The following SNX25 variants were observed in gnomAD, a reference collection of about 807,000 sequenced individuals.
The protein encoded by SNX25 is sorting nexin 25, also known as sorting nexin-25.
Under a neutral mutation model 113.7 loss-of-function variants are expected in SNX25, and 62 were observed. That is an observed-to-expected ratio of 0.55 (90% CI 0.44 to 0.67). SNX25 has a LOEUF of 0.67. Among genes scored for constraint, SNX25 ranks in the 30% least tolerant of loss-of-function variants. SNX25 has a pLI of 0.00. For missense variants in SNX25, 1,014 were observed against 1,161.0 expected (o/e 0.87, Z 1.84); for synonymous variants, 421 against 436.2 (o/e 0.97, Z 0.43).
At chr4:185,347,091 T>C (rs868790054) in intron 13 of SNX25, among the ~76,000 whole-genome samples, 3 of 152,260 alleles carry the variant, frequency 2.0e-5, no homozygotes, top group African/African-American at 7.2e-5. Flanking sequence ...TCCTGTCATC[T>C]TAGTTGTAGA....
chr4:185,207,718 T>G (rs554734107), upstream of SNX25: 1 of 152,186 alleles, frequency 6.6e-6, no homozygotes, highest in Admixed American at 6.5e-5. Flanking sequence ...TTTGCAATGT[T>G]GAGCATGTCA....
At chr4:185,326,152 C>T (rs1041179483) in intron 9 of SNX25, among the ~76,000 whole-genome samples, 1 of 152,114 alleles carries the variant, frequency 6.6e-6, no homozygotes, top group Admixed American at 6.5e-5. Flanking sequence ...TGAAAACTGT[C>T]AGTAGCCCAA....
chr4:185,238,313 C>G (rs1197729084), intron 1 of SNX25, among the ~76,000 whole-genome samples: 2 of 152,048 alleles, frequency 1.3e-5, no homozygotes, highest in African/African-American at 2.4e-5. Flanking sequence ...TGTTCTTTCT[C>G]TTAACACGGC....
At chr4:185,345,366 T>G (rs2095280482) in intron 12 of SNX25, among the ~76,000 whole-genome samples, 1 of 152,218 alleles carries the variant, frequency 6.6e-6, no homozygotes, top group African/African-American at 2.4e-5. Context: ...AGAGCTGTTG[T>G]AAGCATGAAA....
chr4:185,361,987 T>C lies in SNX25; in HGVS notation c.2715T>C (p.Ile905=). 1 of 1,614,110 alleles carries C rather than the reference T, an allele frequency of 6.2e-7. No individual in the cohort carries two copies. The highest frequency in any genetic ancestry group is 8.5e-7 in the Non-Finnish European group (1 of 1,180,006). Residue 905 remains isoleucine, a synonymous_variant, in exon 17 of 19, where the codon ATT becomes ATC. Transcript: ENST00000652585. The stretch of plus-strand genomic sequence containing the variant: ...AAATGTTGGTTTACTACATCAATAT[T>C]TTCCGGGATGCTTTTTGGCCAAATG... ...SEQMLVYYIN[I]FRDAFWPNGK...
At chr4:185,317,859 G>A (rs28398243) in intron 7 of SNX25, among the ~76,000 whole-genome samples, 22,729 of 151,908 alleles carry the variant, frequency 0.15, 2,349 homozygotes, top group African/African-American at 0.3. Context: ...CCTAGATGAC[G>A]GGTAGATAAG....
At chr4:185,257,713 T>A (rs114042640) in intron 2 of SNX25, among the ~76,000 whole-genome samples, 1 of 152,152 alleles carries the variant, frequency 6.6e-6, no homozygotes, top group African/African-American at 2.4e-5. Flanking sequence ...TAATGTGTCT[T>A]CTAGAAAACT....
At position 185,266,399 on chromosome 4, in the gene SNX25, C is replaced by T. The variant is rs551995407; in HGVS notation, c.905-570C>T. On this transcript the variant is annotated intron_variant, in intron 4 of 18. Coordinates refer to ENST00000652585, the MANE Select transcript of SNX25 (RefSeq NM_001378034.2). ...TTTTTGAGATGGAGTCTCACTCTGT[C>T]GCCAAGGCTGGAGTGCAGTGGCGAG... 9.9e-5 allele frequency among the ~76,000 whole-genome samples: 15 copies of T among 152,252 alleles called. No individual in the cohort carries two copies. The East Asian group carries it at 2.1e-3, about 22-fold the overall frequency.
rs138042086 is a variant in SNX25 at position 185,238,275 on chromosome 4, A to G, written c.430-9019A>G. Among the ~76,000 whole-genome samples, 432 of 152,004 alleles carry G rather than the reference A, an allele frequency of 2.8e-3. 15 individuals carry two copies. In the South Asian group the frequency reaches 0.057, roughly 20 times the overall value. ...AGGACCTACCATTAGTAAATGGCAG[A>G]GTGGAGCCCGCCTGCCATGGGAGCC... On this transcript the variant is annotated intron_variant, in intron 1 of 18. Transcript: ENST00000652585.
intron 1 of SNX25, among the ~76,000 whole-genome samples, chr4:185,225,264 G>A (rs1459253181): frequency 1.3e-5 from 2 of 151,844 alleles, no homozygotes; most frequent in African/African-American, 4.8e-5. Context: ...AACTATAGGC[G>A]CCCACTACTC....
At chr4:185,362,219 A>AG in intron 17 of SNX25, 114 bp downstream of exon 17, 1 of 1,413,020 alleles carries the variant, frequency 7.1e-7, no homozygotes, top group South Asian at 1.7e-5. Context: ...GAAAAAAAAA[A>AG]GGATCATACT....
At chr4:185,346,939 C>A (rs2095290046) in intron 13 of SNX25, among the ~76,000 whole-genome samples, 2 of 152,174 alleles carry the variant, frequency 1.3e-5, no homozygotes, top group African/African-American at 2.4e-5. Context: ...CGCTGCAGCC[C>A]CTCTAAAGGC....
At chr4:185,250,519 C>A (rs1745482399) in intron 2 of SNX25, among the ~76,000 whole-genome samples, 1 of 152,178 alleles carries the variant, frequency 6.6e-6, no homozygotes, top group Non-Finnish European at 1.5e-5. Flanking sequence ...AAATAAAAAA[C>A]ACACAAAAGA....
chr4:185,214,397 A>G (rs1026128059), intron 1 of SNX25, among the ~76,000 whole-genome samples: 3 of 43,662 alleles, frequency 6.9e-5, no homozygotes, highest in Non-Finnish European at 2.1e-4. Flanking sequence ...TCTCTACCAA[A>G]AAAAAAAAAA....
rs1747791484 is a variant in SNX25 at position 185,264,606 on chromosome 4, A to C, written c.900A>C (p.Thr300=). 1 of 1,613,782 alleles carries C rather than the reference A, an allele frequency of 6.2e-7. No individual in the cohort carries two copies. The highest frequency in any genetic ancestry group is 1.1e-5 in the South Asian group (1 of 91,076). ...LRIMLAEILT[T]KVLKPVVELL... is the part of the protein sequence containing the mutation. ...TAATGCTTGCAGAAATTCTCACAAC[A>C]AAAGGTAGACTTATACAGTTGATTT... Residue 300 remains threonine, a synonymous_variant, in exon 4 of 19, where the codon ACA becomes ACC. Coordinates refer to ENST00000652585, the MANE Select transcript of SNX25 (RefSeq NM_001378034.2).
chr4:185,265,154 A>G (rs550400491), intron 4 of SNX25, among the ~76,000 whole-genome samples: 3 of 152,078 alleles, frequency 2.0e-5, no homozygotes, highest in African/African-American at 4.8e-5. Context: ...TGATTAGCAT[A>G]TTTACTTAAA....
the SNX25 span, chr4:185,378,275 A>G: frequency 3.8e-6 from 6 of 1,564,184 alleles, no homozygotes; most frequent in South Asian, 3.6e-5. Flanking sequence ...GAGAGACTCT[A>G]TTCCCACCAG....
intron 6 of SNX25, among the ~76,000 whole-genome samples, chr4:185,298,093 C>CTT (rs6148841): frequency 5.1e-5 from 7 of 137,156 alleles, no homozygotes; most frequent in African/African-American, 5.5e-5. Flanking sequence ...ATAGTAACTT[C>CTT]TTTTTTTTTT....
chr4:185,307,413 G>A (rs1202082397), intron 6 of SNX25, among the ~76,000 whole-genome samples: 2 of 152,176 alleles, frequency 1.3e-5, no homozygotes, highest in African/African-American at 4.8e-5. Context: ...CATGCCTAGG[G>A]AGGAGCATTC....
Sources: gnomAD v4.1 joint callset for allele counts (sites outside exome capture counted in the v4.1 genomes callset) on GRCh38, gnomAD v4.1.1 for gene constraint, MANE v1.5 for transcripts, NCBI Gene and HGNC (gene_info 2026-07-23, HGNC 2026-07-21) for gene names.